PXDNL: variants seen among roughly 807,000 people sequenced by gnomAD.
PXDNL encodes probable oxidoreductase PXDNL.
In PXDNL, 145 loss-of-function variants were observed where a neutral mutation model predicts 150.8. That is an observed-to-expected ratio of 0.96 (90% CI 0.84 to 1.10). The LOEUF (loss-of-function observed/expected upper bound fraction) is 1.10. PXDNL is among the 50% of genes least tolerant of loss of function. The pLI is 0.00. For missense variants in PXDNL, 2,087 were observed against 1,873.9 expected (o/e 1.11, Z -2.10); for synonymous variants, 757 against 725.7 (o/e 1.04, Z -0.69).
intron 1 of PXDNL, among the ~76,000 whole-genome samples, chr8:51,759,094 G>A (rs575839758): frequency 4.6e-5 from 7 of 152,256 alleles, no homozygotes; most frequent in Admixed American, 1.3e-4. Context: ...TGCCAGCACT[G>A]AGTACTGGAC....
At chr8:51,387,060 G>C (rs1382512198) in intron 17 of PXDNL, among the ~76,000 whole-genome samples, 1 of 152,134 alleles carries the variant, frequency 6.6e-6, no homozygotes, top group Non-Finnish European at 1.5e-5. Context: ...CTCTTTCACA[G>C]TCAGAGATGA....
intron 3 of PXDNL, among the ~76,000 whole-genome samples, chr8:51,565,554 AATAAGT>A (rs1280816706): frequency 7.3e-5 from 11 of 151,650 alleles, no homozygotes; most frequent in Non-Finnish European, 1.3e-4. Flanking sequence ...CTTATGTGTG[AATAAGT>A]ATAAAAAAAA....
chr8:51,335,479 T>A (rs991080737), intron 21 of PXDNL, among the ~76,000 whole-genome samples: 1 of 152,186 alleles, frequency 6.6e-6, no homozygotes, highest in Non-Finnish European at 1.5e-5. Flanking sequence ...CTCCTTTCAG[T>A]AGCTGTTTCC....
intron 1 of PXDNL, chr8:51,721,812 A>T (rs1461410479): frequency 1.2e-5 from 4 of 333,320 alleles, no homozygotes; most frequent in African/African-American, 6.5e-5. Flanking sequence ...CAGCCTCCTT[A>T]AACTAGTCAG....
intron 1 of PXDNL, among the ~76,000 whole-genome samples, chr8:51,723,502 C>G (rs928885054): frequency 1.3e-5 from 2 of 152,224 alleles, no homozygotes; most frequent in East Asian, 1.9e-4. Flanking sequence ...GCCAACCCAA[C>G]TACCCTAGTC....
At chr8:51,642,329 C>T (rs1814781754) in intron 2 of PXDNL, among the ~76,000 whole-genome samples, 1 of 151,960 alleles carries the variant, frequency 6.6e-6, no homozygotes, top group South Asian at 2.1e-4. Context: ...ACACATTGTG[C>T]ACATGTACCC....
chr8:51,767,991 A>G (rs1271859667), intron 1 of PXDNL, among the ~76,000 whole-genome samples: 1 of 152,226 alleles, frequency 6.6e-6, no homozygotes, highest in Non-Finnish European at 1.5e-5. Flanking sequence ...AGGATCTCCA[A>G]ACCTGTTCTT....
intron 8 of PXDNL, among the ~76,000 whole-genome samples, chr8:51,459,710 G>T (rs972550500): frequency 6.6e-6 from 1 of 152,112 alleles, no homozygotes; most frequent in Admixed American, 6.5e-5. Context: ...CACATTGTCA[G>T]TTTGATGCAA....
chr8:51,532,716 A>AT (rs548939913), intron 4 of PXDNL, among the ~76,000 whole-genome samples: 4 of 152,170 alleles, frequency 2.6e-5, no homozygotes, highest in Non-Finnish European at 5.9e-5. Flanking sequence ...CCCCAACGAG[A>AT]TATTAGCCAT....
intron 17 of PXDNL, among the ~76,000 whole-genome samples, chr8:51,402,878 T>C (rs967792211): frequency 2.0e-5 from 3 of 150,170 alleles, no homozygotes; most frequent in Admixed American, 6.7e-5. Flanking sequence ...CTGGCTAACA[T>C]GGTAAAACCC....
chr8:51,788,074 C>T (rs1264888257), intron 1 of PXDNL, among the ~76,000 whole-genome samples: 1 of 152,182 alleles, frequency 6.6e-6, no homozygotes, highest in Non-Finnish European at 1.5e-5. Flanking sequence ...AGACATAATG[C>T]TATTGCACAT....
At chr8:51,326,405 C>T (rs1046760541) in intron 21 of PXDNL, among the ~76,000 whole-genome samples, 1 of 152,072 alleles carries the variant, frequency 6.6e-6, no homozygotes, top group Non-Finnish European at 1.5e-5. Flanking sequence ...GGCTGAAGCA[C>T]AAGAATCGCT....
At chr8:51,562,019 T>A (rs1812729816) in intron 3 of PXDNL, among the ~76,000 whole-genome samples, 1 of 151,818 alleles carries the variant, frequency 6.6e-6, no homozygotes, top group Non-Finnish European at 1.5e-5. Context: ...CAAATTTATT[T>A]TCTTCATTGT....
chr8:51,347,718 C>T (rs926228002), intron 19 of PXDNL, among the ~76,000 whole-genome samples: 1 of 148,468 alleles, frequency 6.7e-6, no homozygotes, highest in African/African-American at 2.6e-5. Context: ...GCTGAGATTA[C>T]TGTCATGAGC....
intron 2 of PXDNL, among the ~76,000 whole-genome samples, chr8:51,649,227 T>A (rs1037108032): frequency 3.6e-4 from 55 of 152,194 alleles, no homozygotes; most frequent in African/African-American, 1.3e-3. Flanking sequence ...ACGGCAGTAG[T>A]TGCAGCACCG....
intron 1 of PXDNL, among the ~76,000 whole-genome samples, chr8:51,663,688 C>G (rs186440405): frequency 5.6e-4 from 86 of 152,236 alleles, no homozygotes; most frequent in Middle Eastern, 6.8e-3. Flanking sequence ...CAGATTTCTT[C>G]ATCTGCTACA....
chr8:51,808,377 TTTC>T (rs2037700734), intron 1 of PXDNL, among the ~76,000 whole-genome samples: 3 of 152,234 alleles, frequency 2.0e-5, no homozygotes, highest in African/African-American at 7.2e-5. Context: ...TTGTCGTCTT[TTTC>T]TTTCTTTAAA....
At chr8:51,341,440 TG>T (rs1470117216) in intron 20 of PXDNL, among the ~76,000 whole-genome samples, 1 of 152,174 alleles carries the variant, frequency 6.6e-6, no homozygotes, top group Non-Finnish European at 1.5e-5. Flanking sequence ...TGGTTTGTTT[TG>T]GTTTTTGTTT....
intron 2 of PXDNL, among the ~76,000 whole-genome samples, chr8:51,638,296 C>T (rs1241958701): frequency 3.2e-4 from 49 of 152,082 alleles, no homozygotes; most frequent in Admixed American, 3.9e-4. Context: ...CATCAACTAA[C>T]GACCAAAATA....
Sources: allele counts gnomAD v4.1 joint callset (sites outside exome capture counted in the v4.1 genomes callset), GRCh38; gene constraint gnomAD v4.1.1; transcripts MANE v1.5; gene names NCBI Gene and HGNC (gene_info 2026-07-23, HGNC 2026-07-21).